The following NUP210 variants were observed in gnomAD, a reference collection of about 807,000 sequenced individuals.
NUP210 encodes the protein nuclear pore membrane glycoprotein 210.
A neutral mutation model predicts 196.0 loss-of-function variants in NUP210; 151 were observed. The observed-to-expected ratio is 0.77, with a 90% CI of 0.67 to 0.88. The LOEUF (loss-of-function observed/expected upper bound fraction) is 0.88. Ranked by LOEUF, NUP210 falls within the 40% of genes least tolerant of loss-of-function variation. NUP210 has a pLI of 0.00. For missense variants in NUP210, 2,314 were observed against 2,493.7 expected, an observed-to-expected ratio of 0.93 and a Z score of 1.53; for synonymous variants, 1,070 against 1,052.7, an observed-to-expected ratio of 1.02 and a Z score of -0.32.
intron 37 of NUP210, 88 bp downstream of exon 37, chr3:13,319,675 A>T: frequency 9.1e-7 from 1 of 1,103,642 alleles, no homozygotes; most frequent in Non-Finnish European, 1.4e-6. Flanking sequence ...CATTTCTTAC[A>T]CCTCAGGTTT....
intron 4 of NUP210, 73 bp downstream of exon 4, chr3:13,391,138 G>A (rs918744421): frequency 1.9e-6 from 2 of 1,033,288 alleles, no homozygotes; most frequent in African/African-American, 1.6e-5. Flanking sequence ...GCCCCCCGCT[G>A]GTGAGGAGCT....
chr3:13,373,963 C>T (rs751128069), intron 11 of NUP210, 90 bp from the exon 12 acceptor site: 39 of 1,412,180 alleles, frequency 2.8e-5, no homozygotes, highest in Middle Eastern at 3.8e-4. Flanking sequence ...TGTGCATGCA[C>T]GTACTCACAC....
chr3:13,320,034 G>A (rs1190862321), intron 36 of NUP210, 55 bp from the exon 37 acceptor site: 2 of 1,523,192 alleles, frequency 1.3e-6, no homozygotes, highest in Non-Finnish European at 1.8e-6. Flanking sequence ...GGGGACCACT[G>A]AGCGGGGCCT....
intron 26 of NUP210, 46 bp downstream of exon 26, chr3:13,337,791 G>A (rs763098435): frequency 1.7e-5 from 26 of 1,543,406 alleles, no homozygotes; most frequent in Non-Finnish European, 2.2e-5. Context: ...GGTCCCAGCA[G>A]TGGCTCTTCG....
In NUP210 at chr3:13,420,296, G is replaced by A. The variant is rs1241367003; in HGVS notation, c.-70C>T. 6.2e-5 allele frequency: 60 copies of A among 962,898 alleles called. 1 individual carries two copies. Among genetic ancestry groups the A allele is most frequent in the Non-Finnish European group, 3.4e-5 (27 of 804,540 alleles). The allele number at this position is 962,898 out of a possible 1,614,324, so 59.6% of individuals were successfully genotyped here. A position where few individuals can be genotyped will look rare whatever the true frequency, so the allele number is the denominator to read the frequency against. On this transcript the variant is annotated 5_prime_UTR_variant, in exon 1 of 40. Coordinates refer to ENST00000254508, the MANE Select transcript of NUP210 (RefSeq NM_024923.4). This position sits in a 1 kb window ranked among gnomAD's most constrained non-coding sequence, Gnocchi z 4.8. The stretch of plus-strand genomic sequence containing the variant: ...CGCCGCCCCGTTGCCCTCCGCTCCC[G>A]CCCGCGCGCGCGCCAGGCCAGCAGG...
chr3:13,412,019 A>T (rs1700189680), intron 1 of NUP210, among the ~76,000 whole-genome samples: 1 of 151,990 alleles, frequency 6.6e-6, no homozygotes, highest in African/African-American at 2.4e-5. Context: ...CTGGGATTAC[A>T]GGCATGAGCC....
At chr3:13,342,254 A>T in intron 21 of NUP210, 131 bp from the exon 22 acceptor site, 2 of 1,153,412 alleles carry the variant, frequency 1.7e-6, no homozygotes, top group Non-Finnish European at 2.5e-6. Context: ...AGAGTCACCC[A>T]GGTTGACTTC....
At chr3:13,352,262 C>T in intron 18 of NUP210, 78 bp from the exon 19 acceptor site, 5 of 1,090,150 alleles carry the variant, frequency 4.6e-6, no homozygotes, top group Non-Finnish European at 6.8e-6. Context: ...GCCCAAAAGC[C>T]CTAGGGCCTG....
intron 14 of NUP210, among the ~76,000 whole-genome samples, chr3:13,361,361 T>C (rs1698363023): frequency 6.6e-6 from 1 of 152,268 alleles, no homozygotes; most frequent in Admixed American, 6.5e-5. Flanking sequence ...CACACAAAGC[T>C]CTCATTTCCT....
At chr3:13,412,786 A>G (rs529261368) in intron 1 of NUP210, among the ~76,000 whole-genome samples, 31 of 151,612 alleles carry the variant, frequency 2.0e-4, no homozygotes, top group African/African-American at 7.5e-4. Flanking sequence ...CCTGGCTAAC[A>G]TGGTGAAACC....
chr3:13,361,848 C>T (rs1260182177), intron 14 of NUP210, among the ~76,000 whole-genome samples: 1 of 152,206 alleles, frequency 6.6e-6, no homozygotes, highest in Non-Finnish European at 1.5e-5. Flanking sequence ...CAGCTTCAGA[C>T]TAGTGGCATC....
chr3:13,379,529 T>C lies in NUP210; in HGVS notation c.976+34A>G, dbSNP rs375075668. On this transcript the variant is annotated intron_variant, in intron 7 of 39. Transcript: ENST00000254508. This position sits in a 1 kb window ranked among gnomAD's most constrained non-coding sequence, Gnocchi z 4.2. ...TGACTTCCAAACAGCAGCTCCGCCATGCCTAAGAACACACAAGCCCAAGAA... is the reference window on the plus strand; with the variant it reads ...TGACTTCCAAACAGCAGCTCCGCCACGCCTAAGAACACACAAGCCCAAGAA... The C allele has an allele frequency of 3.0e-5, 48 of 1,613,520 alleles. No homozygotes were observed. In the African/African-American group the frequency reaches 5.7e-4, roughly 19 times the overall value.
chr3:13,339,495 C>T (rs1697369358), intron 25 of NUP210, among the ~76,000 whole-genome samples: 1 of 152,224 alleles, frequency 6.6e-6, no homozygotes, highest in Admixed American at 6.5e-5. Context: ...AGCCCTGAGC[C>T]TTGAGAGGAT....
At chr3:13,385,267 A>T (rs1186980611) in intron 6 of NUP210, among the ~76,000 whole-genome samples, 1 of 152,192 alleles carries the variant, frequency 6.6e-6, no homozygotes, top group Admixed American at 6.5e-5. Flanking sequence ...CCTGCCTCTT[A>T]AGTGACACCC....
At chr3:13,345,730 T>C (rs142877109) in intron 20 of NUP210, among the ~76,000 whole-genome samples, 2 of 152,346 alleles carry the variant, frequency 1.3e-5, no homozygotes, top group African/African-American at 2.4e-5. Context: ...CATTGCCACA[T>C]GAGCCTGGTG....
rs376102892 is a variant in NUP210 at position 13,414,424 on chromosome 3, G to A, written c.167+5636C>T. Among the ~76,000 whole-genome samples, 45 of 152,340 alleles carry A rather than the reference G, an allele frequency of 3.0e-4. 4 individuals are homozygous for A. Among genetic ancestry groups the A allele is most frequent in the South Asian group, 2.5e-3 (12 of 4,830 alleles). ...TGGTGAAGGGAGTTGAGCAAGGCCCGGTCCAGCCCTGCAGGGGCCACAGCT... is the reference window on the plus strand; with the variant it reads ...TGGTGAAGGGAGTTGAGCAAGGCCCAGTCCAGCCCTGCAGGGGCCACAGCT... On this transcript the variant is annotated intron_variant, in intron 1 of 39. Coordinates refer to ENST00000254508, the MANE Select transcript of NUP210 (RefSeq NM_024923.4).
At chr3:13,418,675 C>G (rs1700426473) in intron 1 of NUP210, among the ~76,000 whole-genome samples, 1 of 151,990 alleles carries the variant, frequency 6.6e-6, no homozygotes. Flanking sequence ...GTAATCCCAG[C>G]TACTCGGGAG....
chr3:13,323,607 G>A lies in NUP210; in HGVS notation c.4645-175C>T, dbSNP rs1696627750. Reference sequence around the variant, plus strand: ...AGAATGTGGCAGAGAGGGGGTTTGAGCCCAGTCTGGTCAGACTTCACAGCC... The same window carrying A: ...AGAATGTGGCAGAGAGGGGGTTTGAACCCAGTCTGGTCAGACTTCACAGCC... On this transcript the variant is annotated intron_variant, in intron 33 of 39. Transcript: ENST00000254508. This position sits in a 1 kb window ranked among gnomAD's most constrained non-coding sequence, Gnocchi z 4.3. Among the ~76,000 whole-genome samples, 1 of 152,210 alleles carries A rather than the reference G, an allele frequency of 6.6e-6. No homozygotes were observed. The highest frequency in any genetic ancestry group is 2.1e-4 in the South Asian group (1 of 4,824).
At chr3:13,368,477 C>T (rs1698616818) in intron 13 of NUP210, among the ~76,000 whole-genome samples, 1 of 152,174 alleles carries the variant, frequency 6.6e-6, no homozygotes, top group African/African-American at 2.4e-5. Context: ...AGTTCAGTGG[C>T]ATTAAGTACA....
Sources: allele counts gnomAD v4.1 joint callset (sites outside exome capture counted in the v4.1 genomes callset), GRCh38; gene constraint gnomAD v4.1.1; non-coding constraint Gnocchi (gnomAD v3.1); transcripts MANE v1.5; gene names NCBI Gene and HGNC (gene_info 2026-07-23, HGNC 2026-07-21).